Variants in ST6GALNAC3 observed in about 807,000 individuals in gnomAD.
ST6GALNAC3 encodes the protein ST6 N-acetylgalactosaminide alpha-2,6-sialyltransferase 3.
A neutral mutation model predicts 32.7 loss-of-function variants in ST6GALNAC3; 25 were observed. The observed-to-expected ratio is 0.76, with a 90% confidence interval of 0.56 to 1.07. The LOEUF is 1.07. Ranked by LOEUF, ST6GALNAC3 falls within the 50% of genes least tolerant of loss-of-function variation. ST6GALNAC3 has a pLI of 0.00. For synonymous variants in ST6GALNAC3, 129 were observed against 133.1 expected (o/e 0.97, Z 0.21); for missense variants, 355 against 382.4 (o/e 0.93, Z 0.60).
chr1:76,215,640 C>T (rs1557702574), intron 1 of ST6GALNAC3, among the ~76,000 whole-genome samples: 1 of 152,290 alleles, frequency 6.6e-6, no homozygotes, highest in African/African-American at 2.4e-5. Context: ...GAATGCCCCA[C>T]CCAAATCTTG....
At chr1:76,335,181 A>G (rs76953435) in intron 2 of ST6GALNAC3, among the ~76,000 whole-genome samples, 2,932 of 152,304 alleles carry the variant, frequency 0.019, 86 homozygotes, top group African/African-American at 0.067. Flanking sequence ...CTTACCATGC[A>G]GTTTATAAAC....
intron 3 of ST6GALNAC3, among the ~76,000 whole-genome samples, chr1:76,576,490 A>G (rs891077389): frequency 6.6e-6 from 1 of 152,050 alleles, no homozygotes; most frequent in African/African-American, 2.4e-5. Context: ...AGACCAAGGA[A>G]TCTTGGCAGT....
At chr1:76,248,868 C>T (rs983569643) in intron 1 of ST6GALNAC3, among the ~76,000 whole-genome samples, 5 of 152,094 alleles carry the variant, frequency 3.3e-5, no homozygotes, top group Admixed American at 3.3e-4. Flanking sequence ...GACTGAGAAA[C>T]TATCCCATTT....
chr1:76,479,150 A>T (rs1022737611), intron 3 of ST6GALNAC3, among the ~76,000 whole-genome samples: 2 of 151,756 alleles, frequency 1.3e-5, no homozygotes. Flanking sequence ...AATACTTTCC[A>T]CTCCACAAAA....
intron 3 of ST6GALNAC3, among the ~76,000 whole-genome samples, chr1:76,558,101 G>A (rs779907616): frequency 6.6e-6 from 1 of 152,148 alleles, no homozygotes; most frequent in Admixed American, 6.6e-5. Flanking sequence ...GCCAACATTG[G>A]AGAAGTTGTG....
intron 1 of ST6GALNAC3, among the ~76,000 whole-genome samples, chr1:76,267,899 C>T (rs1487520196): frequency 2.0e-5 from 3 of 152,218 alleles, no homozygotes; most frequent in African/African-American, 7.2e-5. Flanking sequence ...AAGACTGCAA[C>T]TTTCTACCTT....
Position 76,509,718 on chromosome 1 carries a change from CA to C in ST6GALNAC3, c.623+97307del, listed in dbSNP as rs1257015345. 6.6e-6 allele frequency among the ~76,000 whole-genome samples: 1 copy of C among 152,064 alleles called. No homozygotes were observed. Among genetic ancestry groups the C allele is most frequent in the Non-Finnish European group, 1.5e-5 (1 of 67,992 alleles). On this transcript the variant is annotated intron_variant, in intron 3 of 4. Transcript: ENST00000328299. This position sits in a 1 kb window ranked among gnomAD's most constrained non-coding sequence, Gnocchi z 5.5. ...AGGGAGAATCTATTTCTTTTTCCAG[CA>C]AAAAATGCAAGACTGCCTACATCCT...
chr1:76,226,036 T>C (rs1656048449), intron 1 of ST6GALNAC3, among the ~76,000 whole-genome samples: 1 of 152,184 alleles, frequency 6.6e-6, no homozygotes, highest in African/African-American at 2.4e-5. Flanking sequence ...CTGATGACTT[T>C]ATTGGTGCAG....
intron 3 of ST6GALNAC3, among the ~76,000 whole-genome samples, chr1:76,586,002 A>T (rs551338463): frequency 2.6e-5 from 4 of 152,232 alleles, no homozygotes; most frequent in East Asian, 3.9e-4. Context: ...ACAACCAAAA[A>T]TGCTTAAAAT....
intron 2 of ST6GALNAC3, among the ~76,000 whole-genome samples, chr1:76,330,722 G>A (rs1160312430): frequency 6.6e-6 from 1 of 152,098 alleles, no homozygotes; most frequent in Non-Finnish European, 1.5e-5. Flanking sequence ...ATAATCTAAG[G>A]GACAGGGAAG....
At chr1:76,176,402 C>T (rs1351626327) in intron 1 of ST6GALNAC3, among the ~76,000 whole-genome samples, 1 of 152,142 alleles carries the variant, frequency 6.6e-6, no homozygotes, top group Non-Finnish European at 1.5e-5. Flanking sequence ...GTCATTTTTT[C>T]TAGTGCTTTA....
chr1:76,099,357 G>A (rs1267255277), intron 1 of ST6GALNAC3, among the ~76,000 whole-genome samples: 13 of 152,032 alleles, frequency 8.6e-5, no homozygotes, highest in Admixed American at 8.5e-4. Context: ...TCCACTTCTA[G>A]GTATTTATCC....
At chr1:76,105,709 G>A (rs1391985579) in intron 1 of ST6GALNAC3, among the ~76,000 whole-genome samples, 1 of 152,014 alleles carries the variant, frequency 6.6e-6, no homozygotes, top group Admixed American at 6.5e-5. Flanking sequence ...AAGTTTTATT[G>A]GCCATTACTA....
At chr1:76,335,328 CATTT>C (rs1032294968) in intron 2 of ST6GALNAC3, among the ~76,000 whole-genome samples, 128 of 152,110 alleles carry the variant, frequency 8.4e-4, no homozygotes, top group African/African-American at 3.0e-3. Flanking sequence ...TTTTCCAACC[CATTT>C]ATTCCAGCTC....
At chr1:76,275,664 A>G (rs964150358) in intron 1 of ST6GALNAC3, among the ~76,000 whole-genome samples, 4 of 152,138 alleles carry the variant, frequency 2.6e-5, no homozygotes, top group Admixed American at 2.0e-4. Flanking sequence ...CCTGTACTCC[A>G]AAAGTCTTCC....
intron 1 of ST6GALNAC3, among the ~76,000 whole-genome samples, chr1:76,219,607 G>A (rs1218638080): frequency 2.0e-5 from 3 of 152,206 alleles, no homozygotes; most frequent in Admixed American, 1.3e-4. Flanking sequence ...TTTTCCTGGC[G>A]ATCAGGGGCC....
chr1:76,287,453 G>A (rs1301429166), intron 1 of ST6GALNAC3, among the ~76,000 whole-genome samples: 1 of 143,930 alleles, frequency 6.9e-6, no homozygotes, highest in Non-Finnish European at 1.5e-5. Context: ...AATCCCCTCA[G>A]AAATGGAGTT....
chr1:76,497,398 C>A (rs1289993690), intron 3 of ST6GALNAC3, among the ~76,000 whole-genome samples: 2 of 152,068 alleles, frequency 1.3e-5, no homozygotes, highest in Non-Finnish European at 2.9e-5. Context: ...TAGCAAAGTC[C>A]AGAGTTAGGT....
At chr1:76,299,843 A>G (rs1436459079) in intron 1 of ST6GALNAC3, among the ~76,000 whole-genome samples, 1 of 152,096 alleles carries the variant, frequency 6.6e-6, no homozygotes, top group African/African-American at 2.4e-5. Flanking sequence ...TAAGATATGA[A>G]ACAGATTTTT....
Sources: gnomAD v4.1 joint callset for allele counts (sites outside exome capture counted in the v4.1 genomes callset) on GRCh38, gnomAD v4.1.1 for gene constraint, Gnocchi (gnomAD v3.1) non-coding constraint, MANE v1.5 for transcripts, NCBI Gene and HGNC (gene_info 2026-07-23, HGNC 2026-07-21) for gene names.